SOX5: variants seen among roughly 807,000 people sequenced by gnomAD.
SOX5 encodes the protein SRY-box transcription factor 5, also known as transcription factor SOX-5.
In SOX5, 9 loss-of-function variants were observed where a neutral mutation model predicts 92.0. That is an observed-to-expected ratio of 0.10 (90% CI 0.06 to 0.17). The LOEUF is 0.17. Ranked by LOEUF, SOX5 falls within the 10% of genes least tolerant of loss-of-function variation. The pLI, the probability that SOX5 is intolerant of heterozygous loss-of-function variation, is 1.00. For missense variants in SOX5, 642 were observed against 944.5 expected (o/e 0.68, Z 4.20); for synonymous variants, 344 against 336.3 (o/e 1.02, Z -0.25).
chr12:24,032,050 G>C (rs552920664), intron 4 of SOX5, among the ~76,000 whole-genome samples: 2 of 151,944 alleles, frequency 1.3e-5, no homozygotes, highest in South Asian at 4.1e-4. Context: ...TGAAACCTAA[G>C]TTTAATTAGA....
chr12:23,686,821 T>G (rs558192065), intron 6 of SOX5, among the ~76,000 whole-genome samples: 2 of 152,034 alleles, frequency 1.3e-5, no homozygotes, highest in Non-Finnish European at 2.9e-5. Flanking sequence ...AGATATATTT[T>G]CCATTGAAAA....
intron 3 of SOX5, among the ~76,000 whole-genome samples, chr12:23,842,631 A>T (rs1030929155): frequency 2.6e-5 from 4 of 152,156 alleles, no homozygotes; most frequent in Non-Finnish European, 5.9e-5. Context: ...AATCCCCAAT[A>T]TCTTACAGAG....
In SOX5 at chr12:23,610,642, G is replaced by C. The variant is rs780515665; in HGVS notation, c.1018-6109C>G. Among the ~76,000 whole-genome samples, 4 of 152,188 alleles carry C rather than the reference G, an allele frequency of 2.6e-5. No individual in the cohort carries two copies. In the East Asian group the frequency reaches 5.8e-4, roughly 22 times the overall value. On this transcript the variant is annotated intron_variant, in intron 8 of 14. Coordinates refer to ENST00000451604, the MANE Select transcript of SOX5 (RefSeq NM_006940.6). ...TTAAAATCCAAAATGAATTTGGCATGCTTGTACAATCCAAAGAATTAGAAA... is the reference window on the plus strand; with the variant it reads ...TTAAAATCCAAAATGAATTTGGCATCCTTGTACAATCCAAAGAATTAGAAA...
chr12:23,922,072 C>A lies in SOX5; in HGVS notation c.39-26048G>T, dbSNP rs148797975. ...AGCCGAAACACCAGACAACTCCCCC[C>A]CTGGGCTCCCACTTTTTTCAGGGAG... On this transcript the variant is annotated intron_variant, in intron 1 of 14. Coordinates refer to ENST00000451604, the MANE Select transcript of SOX5 (RefSeq NM_006940.6). 5.6e-4 allele frequency among the ~76,000 whole-genome samples: 85 copies of A among 152,296 alleles called. 1 individual carries two copies. Among genetic ancestry groups the A allele is most frequent in the Admixed American group, 1.7e-3 (26 of 15,308 alleles).
intron 1 of SOX5, among the ~76,000 whole-genome samples, chr12:24,493,408 G>A (rs1347288850): frequency 6.6e-6 from 1 of 152,104 alleles, no homozygotes; most frequent in Non-Finnish European, 1.5e-5. Context: ...TTAGAATAAA[G>A]TATGGACTTT....
At chr12:24,526,980 T>C (rs1950768257) in intron 1 of SOX5, among the ~76,000 whole-genome samples, 2 of 151,986 alleles carry the variant, frequency 1.3e-5, no homozygotes, top group African/African-American at 2.4e-5. Flanking sequence ...CACCACACCA[T>C]ACAGTCTCTG....
At chr12:24,029,449 G>C (rs997020772) in intron 4 of SOX5, among the ~76,000 whole-genome samples, 1 of 151,500 alleles carries the variant, frequency 6.6e-6, no homozygotes, top group African/African-American at 2.4e-5. Context: ...TGTTTTTTTA[G>C]TTTTTTGTAC....
chr12:24,073,516 G>T (rs1942076980), intron 4 of SOX5, among the ~76,000 whole-genome samples: 1 of 152,016 alleles, frequency 6.6e-6, no homozygotes, highest in Non-Finnish European at 1.5e-5. Context: ...CTGTAAAAAT[G>T]GTCTCTTCAT....
intron 4 of SOX5, among the ~76,000 whole-genome samples, chr12:23,977,173 A>T (rs1325064128): frequency 6.6e-6 from 1 of 152,230 alleles, no homozygotes; most frequent in East Asian, 1.9e-4. Context: ...TTTACTCAAG[A>T]TTAATTTCTT....
chr12:23,534,497 T>A lies in SOX5; in HGVS notation c.2014A>T (p.Thr672Ser), dbSNP rs770815143. The A allele has an allele frequency of 1.3e-5, 21 of 1,613,140 alleles. No individual in the cohort carries two copies. The Admixed American group carries it at 3.5e-4, about 27-fold the overall frequency. ...GCTCCAGGGTACACAACACCAGCAG[T>A]GGCAATGGGGATCTGTGCTTGTTGC... ...VGQQAQIPIATAGVVYPGAIA... is the reference protein window; with the variant it reads ...VGQQAQIPIASAGVVYPGAIA... Residue 672 changes from threonine (T) to serine (S), a missense_variant, in exon 15 of 15, where the codon ACT becomes TCT. Physicochemically the swap from Thr to Ser is moderately conservative, Grantham distance 58. This residue lies in a region of SOX5 where 130 missense variants were observed against 140.6 expected (regional missense o/e 0.92). Transcript: ENST00000451604.
At chr12:24,285,532 C>T (rs1033952081) in intron 2 of SOX5, among the ~76,000 whole-genome samples, 10 of 152,260 alleles carry the variant, frequency 6.6e-5, no homozygotes, top group Admixed American at 6.5e-4. Context: ...CAGCGCTATA[C>T]TGGTTCTGGA....
At chr12:24,314,923 G>T (rs1436384528) in intron 2 of SOX5, among the ~76,000 whole-genome samples, 1 of 152,120 alleles carries the variant, frequency 6.6e-6, no homozygotes, top group African/African-American at 2.4e-5. Context: ...ATACTGCATG[G>T]CTCTAAACTG....
chr12:24,080,475 G>A (rs1324977722), intron 4 of SOX5, among the ~76,000 whole-genome samples: 1 of 151,916 alleles, frequency 6.6e-6, no homozygotes, highest in African/African-American at 2.4e-5. Flanking sequence ...AGATCAAAAT[G>A]AAATTTGGCT....
chr12:24,526,821 C>T (rs1419013755), intron 1 of SOX5, among the ~76,000 whole-genome samples: 1 of 148,356 alleles, frequency 6.7e-6, no homozygotes, highest in Non-Finnish European at 1.5e-5. Flanking sequence ...TATCATATTT[C>T]TTTTTTTTTT....
intron 3 of SOX5, among the ~76,000 whole-genome samples, chr12:23,839,990 CAAA>C (rs142394109): frequency 0.42 from 50,681 of 121,924 alleles, 9,183 homozygotes; most frequent in Middle Eastern, 0.55. Context: ...CTCAAGAAGA[CAAA>C]AAAAAAAAAA....
At chr12:24,368,867 T>C (rs2136239425) in intron 1 of SOX5, among the ~76,000 whole-genome samples, 1 of 152,334 alleles carries the variant, frequency 6.6e-6, no homozygotes, top group East Asian at 1.9e-4. Context: ...AAATGGTTAT[T>C]ATATTACATA....
chr12:24,306,883 A>G (rs1948630310), intron 2 of SOX5, among the ~76,000 whole-genome samples: 1 of 152,168 alleles, frequency 6.6e-6, no homozygotes. Flanking sequence ...AGGAGAGAAC[A>G]CAGCTGGAGA....
chr12:23,784,206 G>A lies in SOX5; in HGVS notation c.482-28482C>T, dbSNP rs118107007. On this transcript the variant is annotated intron_variant, in intron 3 of 14. Coordinates refer to ENST00000451604, the MANE Select transcript of SOX5 (RefSeq NM_006940.6). ...TTTTATCAATCACTGAATAGCTCTG[G>A]GCAAATCATGAAATCTCATAGGCTT... Among the ~76,000 whole-genome samples the A allele has an allele frequency of 8.0e-3, 1,217 of 152,198 alleles. 12 individuals are homozygous for A. Among genetic ancestry groups the A allele is most frequent in the Middle Eastern group, 0.027 (8 of 294 alleles).
chr12:24,338,907 T>C (rs188325634), intron 2 of SOX5, among the ~76,000 whole-genome samples: 8 of 152,324 alleles, frequency 5.3e-5, no homozygotes, highest in South Asian at 2.1e-4. Context: ...TTTTTCTTTA[T>C]AAATTACCCA....
Sources: gnomAD v4.1 joint callset for allele counts (sites outside exome capture counted in the v4.1 genomes callset) on GRCh38, gnomAD v4.1.1 for gene constraint, gnomAD v4.1.1 regional missense constraint, MANE v1.5 for transcripts, NCBI Gene and HGNC (gene_info 2026-07-23, HGNC 2026-07-21) for gene names.